ATP1A2: variants seen among roughly 807,000 people sequenced by gnomAD.
ATP1A2 encodes the protein sodium/potassium-transporting ATPase subunit alpha-2.
In ATP1A2, 56 loss-of-function variants were observed where a neutral mutation model predicts 113.1. That is an observed-to-expected ratio of 0.49 (90% confidence interval 0.40 to 0.62). The LOEUF (loss-of-function observed/expected upper bound fraction) is 0.62. Ranked by LOEUF, ATP1A2 falls within the 20% of genes least tolerant of loss-of-function variation. ATP1A2 has a pLI of 0.00. For synonymous variants in ATP1A2, 490 were observed against 526.8 expected (o/e 0.93, Z 0.96); for missense variants, 712 against 1,357.8 (o/e 0.52, Z 7.47).
intron 19 of ATP1A2, 62 bp from the exon 20 acceptor site, chr1:160,136,839 T>C (rs1651969431): frequency 1.9e-6 from 3 of 1,614,078 alleles, no homozygotes; most frequent in African/African-American, 1.3e-5. Flanking sequence ...GAAACCATGC[T>C]ACCTTCTGGT....
rs1651900203 is a variant in ATP1A2, at chr1:160,135,292, G to C, written c.2112G>C (p.Arg704Ser). The C allele has an allele frequency of 1.2e-6, 2 of 1,614,064 alleles. No homozygotes were observed. The highest frequency in any genetic ancestry group is 1.7e-6 in the Non-Finnish European group (2 of 1,180,044). ...QKLIIVEGCQ[R>S]QGAIVAVTGD... ...TCATCATTGTGGAGGGATGTCAGAG[G>C]CAGGTGAGCACAGCCACGGGAGGCA... The change falls in exon 15 of 23, where the codon AGG becomes AGC. Residue 704 changes from arginine (R) to serine (S), a missense_variant. Coordinates refer to ENST00000361216, the MANE Select transcript of ATP1A2 (RefSeq NM_000702.4). The surrounding 1 kb of genome is among the most constrained non-coding windows in gnomAD (Gnocchi z 6.3).
chr1:160,121,367 G>A, intron 3 of ATP1A2, 116 bp downstream of exon 3: 1 of 1,280,334 alleles, frequency 7.8e-7, no homozygotes, highest in Admixed American at 1.7e-5. Context: ...GGAAACTGAG[G>A]CCCAGAAACA....
At chr1:160,122,183 G>A (rs1006989714) in intron 3 of ATP1A2, among the ~76,000 whole-genome samples, 5 of 152,048 alleles carry the variant, frequency 3.3e-5, no homozygotes, top group Non-Finnish European at 5.9e-5. Flanking sequence ...TCTCCTTTAT[G>A]GGCCTTCCCT....
intron 13 of ATP1A2, among the ~76,000 whole-genome samples, chr1:160,131,752 A>G (rs879433249): frequency 3.3e-5 from 5 of 151,668 alleles, no homozygotes; most frequent in Admixed American, 3.3e-4. Context: ...AATCACTTGA[A>G]CCCGGGAGGC....
At position 160,118,953 on chromosome 1, in the gene ATP1A2, C is replaced by G. The variant is rs181742334; in HGVS notation, c.13-1953C>G. ...AGTGAAGCTATTCCATATGATACCACAATGGCGGATACACGTCAGTATACA... is the reference window on the plus strand; with the variant it reads ...AGTGAAGCTATTCCATATGATACCAGAATGGCGGATACACGTCAGTATACA... On this transcript the variant is annotated intron_variant, in intron 1 of 22. Transcript: ENST00000361216. Among the ~76,000 whole-genome samples the G allele has an allele frequency of 3.9e-5, 6 of 152,180 alleles. No individual in the cohort carries two copies. In the East Asian group the frequency reaches 7.7e-4, roughly 20 times the overall value.
chr1:160,123,608 C>T (rs1651492081), intron 4 of ATP1A2, among the ~76,000 whole-genome samples, 192 bp downstream of exon 4: 1 of 152,244 alleles, frequency 6.6e-6, no homozygotes, highest in South Asian at 2.1e-4. Flanking sequence ...AGTGCATACA[C>T]ATTCACATAC....
At position 160,115,851 on chromosome 1, in the gene ATP1A2, T is replaced by A; in HGVS notation, c.-11T>A. Reference sequence around the variant, plus strand: ...TCTCCCGCTAAGGTCCCTCAGCCACTCTGCCCCAAGATGGGCCGTGGGGTG... The same window carrying A: ...TCTCCCGCTAAGGTCCCTCAGCCACACTGCCCCAAGATGGGCCGTGGGGTG... On this transcript the variant is annotated 5_prime_UTR_variant, in exon 1 of 23. Coordinates refer to ENST00000361216, the MANE Select transcript of ATP1A2 (RefSeq NM_000702.4). 6.3e-7 allele frequency: 1 copy of A among 1,598,216 alleles called. No homozygotes were observed. The highest frequency in any genetic ancestry group is 8.5e-7 in the Non-Finnish European group (1 of 1,172,678).
intron 20 of ATP1A2, 28 bp downstream of exon 20, chr1:160,137,059 C>A (rs1178618103): frequency 6.2e-7 from 1 of 1,613,860 alleles, no homozygotes; most frequent in South Asian, 1.1e-5. Context: ...TGGCACCTAC[C>A]CACCCAGGCT....
In ATP1A2 at chr1:160,121,209, C is replaced by A; in HGVS notation, c.135C>A (p.Ser45=). The change falls in exon 3 of 23, where the codon TCC becomes TCA. Residue 45 remains serine (S), a synonymous_variant. Coordinates refer to ENST00000361216, the MANE Select transcript of ATP1A2 (RefSeq NM_000702.4). ...TTCCCCAGGATGACCACAAGCTGTC[C>A]TTGGATGAGCTGGGCCGCAAATACC... ...KEVAMDDHKL[S]LDELGRKYQV... 6.2e-7 allele frequency: 1 copy of A among 1,614,230 alleles called. No individual in the cohort carries two copies. Among genetic ancestry groups the A allele is most frequent in the Non-Finnish European group, 8.5e-7 (1 of 1,180,038 alleles).
chr1:160,134,895 T>A (rs1651886025), intron 14 of ATP1A2, among the ~76,000 whole-genome samples: 2 of 152,096 alleles, frequency 1.3e-5, no homozygotes, highest in South Asian at 4.1e-4. Flanking sequence ...GAGTGGGATG[T>A]GAGTAAAGAA....
intron 13 of ATP1A2, 24 bp from the exon 14 acceptor site, chr1:160,134,460 G>C: frequency 6.2e-7 from 1 of 1,614,144 alleles, no homozygotes; most frequent in Non-Finnish European, 8.5e-7. Flanking sequence ...CTACTTTCCT[G>C]TTGTCTCCTC....
chr1:160,132,192 T>C (rs982393841), intron 13 of ATP1A2, among the ~76,000 whole-genome samples: 4 of 152,118 alleles, frequency 2.6e-5, no homozygotes, highest in Non-Finnish European at 5.9e-5. Context: ...TACCCTGGCG[T>C]GGCTAGACTG....
chr1:160,136,510 G>C (rs535984493), intron 18 of ATP1A2, 60 bp from the exon 19 acceptor site: 8 of 1,613,628 alleles, frequency 5.0e-6, no homozygotes, highest in African/African-American at 1.3e-5. Flanking sequence ...GCCCTGAGGG[G>C]CTGTGCCCCT....
rs950474099 is a variant in ATP1A2 at position 160,127,952 on chromosome 1, G to A, written c.1017+132G>A. 1.0e-5 allele frequency: 13 copies of A among 1,273,476 alleles called. No homozygotes were observed. The African/African-American group carries it at 1.8e-4, about 18-fold the overall frequency. The allele number at this position is 1,273,476 out of a possible 1,614,324, so 78.9% of individuals were successfully genotyped here. A position where few individuals can be genotyped will look rare whatever the true frequency, so the allele number is the denominator to read the frequency against. The stretch of plus-strand genomic sequence containing the variant: ...AGTCACTTATTGGATGCGATACTCA[G>A]AGATCACTTAATACATGGCTTAGGG... On this transcript the variant is annotated intron_variant, in intron 8 of 22. Coordinates refer to ENST00000361216, the MANE Select transcript of ATP1A2 (RefSeq NM_000702.4).
intron 2 of ATP1A2, 48 bp downstream of exon 2, chr1:160,121,058 C>A (rs751744713): frequency 6.2e-7 from 1 of 1,609,502 alleles, no homozygotes. Flanking sequence ...GCTGGGAGAG[C>A]TGTCCCTGCA....
At chr1:160,122,025 G>C (rs751909148) in intron 3 of ATP1A2, among the ~76,000 whole-genome samples, 2 of 152,074 alleles carry the variant, frequency 1.3e-5, no homozygotes, top group African/African-American at 4.8e-5. Context: ...CCACCTACTC[G>C]AGAGGCTGAA....
intron 3 of ATP1A2, 90 bp downstream of exon 3, chr1:160,121,341 C>G: frequency 6.8e-7 from 1 of 1,468,628 alleles, no homozygotes; most frequent in Non-Finnish European, 9.5e-7. Context: ...TGTAATCCAG[C>G]CTTCTTTACA....
chr1:160,120,236 G>A (rs1651349183), intron 1 of ATP1A2, among the ~76,000 whole-genome samples: 1 of 152,062 alleles, frequency 6.6e-6, no homozygotes, highest in Admixed American at 6.5e-5. Context: ...CCAGCAGGAT[G>A]GAGAGGGCTC....
intron 8 of ATP1A2, chr1:160,128,267 T>C: frequency 2.2e-6 from 1 of 446,292 alleles, no homozygotes; most frequent in South Asian, 2.0e-5. Flanking sequence ...TCGCCTCTCC[T>C]CTGTCCCTTC....
Sources: allele counts gnomAD v4.1 joint callset (sites outside exome capture counted in the v4.1 genomes callset), GRCh38; gene constraint gnomAD v4.1.1; non-coding constraint Gnocchi (gnomAD v3.1); transcripts MANE v1.5; gene names NCBI Gene and HGNC (gene_info 2026-07-23, HGNC 2026-07-21).